CFAP47: variants seen among roughly 807,000 people sequenced by gnomAD.
CFAP47 encodes the protein cilia- and flagella-associated protein 47.
In CFAP47, 29 loss-of-function variants were observed where a neutral mutation model predicts 148.1. The observed-to-expected ratio is 0.20, with a 90% CI of 0.15 to 0.27. The LOEUF is 0.27. Ranked by LOEUF, CFAP47 falls within the 10% of genes least tolerant of loss-of-function variation. CFAP47 has a pLI of 1.00. For synonymous variants in CFAP47, 664 were observed against 577.3 expected (o/e 1.15, Z -2.15); for missense variants, 1,872 against 1,697.5 (o/e 1.10, Z -1.81).
chrX:36,133,404 G>A (rs1259312661), intron 33 of CFAP47, among the ~76,000 whole-genome samples: 1 of 110,963 alleles, frequency 9.0e-6, no homozygotes, highest in Admixed American at 9.7e-5. Flanking sequence ...AGGCTGGAAA[G>A]TCCAAGATAA....
chrX:36,261,541 C>T (rs1168740620), intron 49 of CFAP47, among the ~76,000 whole-genome samples: 6 of 106,273 alleles, frequency 5.6e-5, no homozygotes, highest in African/African-American at 2.1e-4. Context: ...AATGAGCATG[C>T]TGCCTTCAAG....
chrX:36,241,881 C>T lies in CFAP47; in HGVS notation c.7332+5022C>T, dbSNP rs148706114. Reference sequence around the variant, plus strand: ...TAACAAAAGAAATGTGGGTGCAGTGCCAGTAATCAAATGGGGCTCCTCTAA... The same window carrying T: ...TAACAAAAGAAATGTGGGTGCAGTGTCAGTAATCAAATGGGGCTCCTCTAA... On this transcript the variant is annotated intron_variant, in intron 48 of 63. Transcript: ENST00000378653. 5.1e-3 allele frequency among the ~76,000 whole-genome samples: 575 copies of T among 111,869 alleles called. 1 individual carries two copies. Among genetic ancestry groups the T allele is most frequent in the African/African-American group, 0.018 (547 of 30,755 alleles).
At chrX:35,995,311 T>G (rs1936834136) in intron 18 of CFAP47, among the ~76,000 whole-genome samples, 1 of 111,618 alleles carries the variant, frequency 9.0e-6, no homozygotes, top group Non-Finnish European at 1.9e-5. Flanking sequence ...TTTTAGATCA[T>G]ACAGGGCCTT....
chrX:36,247,309 C>T (rs1384949444), intron 48 of CFAP47, among the ~76,000 whole-genome samples: 1 of 110,967 alleles, frequency 9.0e-6, no homozygotes, highest in Non-Finnish European at 1.9e-5. Context: ...TGTTGAAAAG[C>T]TACCTATTAG....
chrX:36,353,134 AAAGTT>A (rs1941756820), intron 59 of CFAP47, among the ~76,000 whole-genome samples: 1 of 110,938 alleles, frequency 9.0e-6, no homozygotes, highest in Non-Finnish European at 1.9e-5. Flanking sequence ...TTATAAAAGT[AAAGTT>A]TAGTATTATC....
intron 54 of CFAP47, among the ~76,000 whole-genome samples, chrX:36,306,325 A>G (rs1941348244): frequency 9.0e-6 from 1 of 111,718 alleles, no homozygotes; most frequent in African/African-American, 3.2e-5. Context: ...ATTTCCTTGC[A>G]CATTAAAGAA....
chrX:36,071,756 T>C, intron 27 of CFAP47, 69 bp from the exon 28 acceptor site: 1 of 955,527 alleles, frequency 1.0e-6, no homozygotes, highest in Non-Finnish European at 1.5e-6. Context: ...TAAACTCAGG[T>C]TAAATAATGG....
intron 30 of CFAP47, among the ~76,000 whole-genome samples, chrX:36,093,151 T>C (rs1938214576): frequency 1.8e-5 from 2 of 111,727 alleles, no homozygotes; most frequent in Non-Finnish European, 3.8e-5. Flanking sequence ...TCTTTATCTA[T>C]TCATCTGTTG....
At chrX:36,339,599 T>C (rs1193043702) in intron 57 of CFAP47, among the ~76,000 whole-genome samples, 1 of 111,553 alleles carries the variant, frequency 9.0e-6, no homozygotes, top group African/African-American at 3.3e-5. Flanking sequence ...TTCCCTGTTA[T>C]ACATGTCAGT....
chrX:36,268,862 T>C (rs1312184899), intron 49 of CFAP47, among the ~76,000 whole-genome samples: 1 of 112,308 alleles, frequency 8.9e-6, no homozygotes, highest in Non-Finnish European at 1.9e-5. Flanking sequence ...TTTCATTATA[T>C]ATTTTTTTCA....
chrX:36,085,569 A>G (rs768455401), intron 30 of CFAP47, 31 bp downstream of exon 30: 5 of 952,315 alleles, frequency 5.3e-6, no homozygotes, highest in East Asian at 3.1e-5. Flanking sequence ...ATATAAGCAT[A>G]TAACTCTGGC....
chrX:36,345,583 G>A (rs1230074902), intron 57 of CFAP47, among the ~76,000 whole-genome samples: 1 of 111,544 alleles, frequency 9.0e-6, no homozygotes, highest in Non-Finnish European at 1.9e-5. Context: ...CACCGCCTGG[G>A]GGTTGGGGAC....
intron 39 of CFAP47, among the ~76,000 whole-genome samples, chrX:36,167,985 G>A (rs1448413198): frequency 9.1e-6 from 1 of 109,628 alleles, no homozygotes; most frequent in Non-Finnish European, 1.9e-5. Context: ...CTTAATGTTG[G>A]TCTTAAATAT....
chrX:36,249,107 C>T (rs1191790723), intron 48 of CFAP47, among the ~76,000 whole-genome samples: 1 of 109,560 alleles, frequency 9.1e-6, no homozygotes, highest in East Asian at 2.9e-4. Flanking sequence ...AGTCAGTTAC[C>T]TAACTTTGTA....
chrX:35,959,547 G>A (rs777279533), intron 8 of CFAP47, among the ~76,000 whole-genome samples: 7 of 111,646 alleles, frequency 6.3e-5, no homozygotes, highest in Non-Finnish European at 1.1e-4. Flanking sequence ...GGTGGCTCAC[G>A]CCTGTAATCC....
At chrX:36,074,108 A>G (rs1937805032) in intron 29 of CFAP47, among the ~76,000 whole-genome samples, 1 of 111,808 alleles carries the variant, frequency 8.9e-6, no homozygotes, top group South Asian at 3.7e-4. Context: ...TACCTTTTTC[A>G]GGTTTTTTAA....
intron 26 of CFAP47, among the ~76,000 whole-genome samples, chrX:36,048,807 A>G (rs1315651068): frequency 8.9e-6 from 1 of 112,133 alleles, no homozygotes; most frequent in South Asian, 3.7e-4. Flanking sequence ...TATCTGTGTG[A>G]GAAATGGTGA....
chrX:36,228,937 T>C (rs1940303920), intron 46 of CFAP47, 113 bp downstream of exon 46: 1 of 438,831 alleles, frequency 2.3e-6, no homozygotes, highest in Non-Finnish European at 4.0e-6. Context: ...TCTTATCTGC[T>C]GTCAATTATT....
At chrX:35,954,179 A>T (rs940383369) in intron 7 of CFAP47, among the ~76,000 whole-genome samples, 3 of 111,240 alleles carry the variant, frequency 2.7e-5, no homozygotes, top group African/African-American at 9.8e-5. Context: ...GGATACTGAT[A>T]ATTGCACATG....
Sources: allele counts gnomAD v4.1 joint callset (sites outside exome capture counted in the v4.1 genomes callset), GRCh38; gene constraint gnomAD v4.1.1; transcripts MANE v1.5; gene names NCBI Gene and HGNC (gene_info 2026-07-23, HGNC 2026-07-21).